Variants in SFSWAP observed in about 807,000 individuals in gnomAD.
SFSWAP encodes splicing factor SWAP.
SFSWAP carries 17 observed loss-of-function variants against 100.7 expected under a neutral mutation model. That is an observed-to-expected ratio of 0.17 (90% CI 0.12 to 0.25). The LOEUF (loss-of-function observed/expected upper bound fraction) is 0.25, where lower values mean the gene tolerates loss of function less well. Ranked by LOEUF, SFSWAP falls within the 10% of genes least tolerant of loss-of-function variation. The pLI, the probability that SFSWAP is intolerant of heterozygous loss-of-function variation, is 1.00. For missense variants in SFSWAP, 1,005 were observed against 1,262.6 expected (o/e 0.80, Z 3.09); for synonymous variants, 504 against 510.1 (o/e 0.99, Z 0.16).
Position 131,725,677 on chromosome 12 carries a change from T to C in SFSWAP, c.832+47T>C, listed in dbSNP as rs373140540. The C allele has an allele frequency of 2.8e-5, 41 of 1,439,534 alleles. No individual in the cohort carries two copies. The highest frequency in any genetic ancestry group is 5.6e-5 in the African/African-American group (4 of 71,370). 89.2% of individuals were successfully genotyped at this position (1,439,534 alleles called of 1,614,324 possible). ...CCGTCCAGACTTTGGGCCTGTGTTG[T>C]GGGGGCGGCAGGCTGGGTGGTTCTG... On this transcript the variant is annotated intron_variant, in intron 5 of 17. Transcript: ENST00000261674. This position sits in a 1 kb window ranked among gnomAD's most constrained non-coding sequence, Gnocchi z 4.3.
chr12:131,750,802 C>G (rs1332637936), intron 7 of SFSWAP, among the ~76,000 whole-genome samples: 1 of 152,230 alleles, frequency 6.6e-6, no homozygotes, highest in African/African-American at 2.4e-5. Context: ...AGCCATCCTC[C>G]TGCCACAGCC....
intron 4 of SFSWAP, among the ~76,000 whole-genome samples, chr12:131,722,387 T>G (rs1457812582): frequency 6.7e-6 from 1 of 149,578 alleles, no homozygotes; most frequent in African/African-American, 2.5e-5. Context: ...CATAGTGAGA[T>G]CCTGTCTCTA....
rs1015713602 is a variant in SFSWAP at position 131,711,714 on chromosome 12, C to T, written c.218+267C>T. On this transcript the variant is annotated intron_variant, in intron 1 of 17. Coordinates refer to ENST00000261674, the MANE Select transcript of SFSWAP (RefSeq NM_004592.4). This position sits in a 1 kb window ranked among gnomAD's most constrained non-coding sequence, Gnocchi z 4.9. ...CCCGCAGCCCCTCTCGACCCCTCAC[C>T]CTGTCGCTGGGCTGCAGTTGGCGAT... 4.5e-6 allele frequency: 2 copies of T among 446,972 alleles called. No homozygotes were observed. The highest frequency in any genetic ancestry group is 4.0e-5 in the African/African-American group (2 of 50,196). The allele number at this position is 446,972 out of a possible 1,614,324, so 27.7% of individuals were successfully genotyped here.
chr12:131,720,490 C>T (rs555511818), intron 4 of SFSWAP, among the ~76,000 whole-genome samples: 2 of 152,302 alleles, frequency 1.3e-5, no homozygotes, highest in East Asian at 1.9e-4. Context: ...CTTAAGTGTT[C>T]GTGCCTAGCA....
chr12:131,768,863 C>T (rs1883339320), intron 13 of SFSWAP, among the ~76,000 whole-genome samples: 1 of 152,170 alleles, frequency 6.6e-6, no homozygotes, highest in Admixed American at 6.5e-5. Context: ...GTGGCTCATA[C>T]CTGTAATCCG....
In SFSWAP at chr12:131,711,575, C is replaced by T; in HGVS notation, c.218+128C>T. ...AGCGGGGATCTGGGGGACACCCCCT[C>T]CCCTGTCCCCACCTCCTCCTGGTGT... On this transcript the variant is annotated intron_variant, in intron 1 of 17. Coordinates refer to ENST00000261674, the MANE Select transcript of SFSWAP (RefSeq NM_004592.4). The surrounding 1 kb of genome is among the most constrained non-coding windows in gnomAD (Gnocchi z 4.9). 1 of 743,700 alleles carries T rather than the reference C, an allele frequency of 1.3e-6. No homozygotes were observed. The highest frequency in any genetic ancestry group is 2.2e-6 in the Non-Finnish European group (1 of 450,292). 46.1% of individuals were successfully genotyped at this position (743,700 alleles called of 1,614,324 possible). A position where few individuals can be genotyped will look rare whatever the true frequency, so the allele number is the denominator to read the frequency against.
Position 131,764,510 on chromosome 12 carries a change from C to T in SFSWAP, c.1775C>T (p.Pro592Leu). The T allele has an allele frequency of 6.2e-7, 1 of 1,614,130 alleles. No homozygotes were observed. Among genetic ancestry groups the T allele is most frequent in the Middle Eastern group, 1.6e-4 (1 of 6,062 alleles). Residue 592 changes from proline (P) to leucine (L), a missense_variant, in exon 12 of 18, where the codon CCC becomes CTC. Physicochemically the swap from Pro to Leu is moderately conservative, Grantham distance 98. Around this residue, in one of 7 missense-constraint regions of SFSWAP, gnomAD observed 82 missense variants for 131.0 expected, o/e 0.63. Coordinates refer to ENST00000261674, the MANE Select transcript of SFSWAP (RefSeq NM_004592.4). ...AAGGCCAAAGAAAATGATCTGCTTC[C>T]CCTGGAAAAAAATCGTGTTAAGCTA... ...AIKAKENDLL[P>L]LEKNRVKLDD...
chr12:131,761,028 C>T (rs555296701), intron 11 of SFSWAP, among the ~76,000 whole-genome samples: 5 of 152,278 alleles, frequency 3.3e-5, no homozygotes, highest in African/African-American at 9.6e-5. Flanking sequence ...GCCTAGATCG[C>T]GCCACTGCAC....
intron 14 of SFSWAP, chr12:131,784,229 G>C (rs887781906): frequency 6.6e-6 from 1 of 151,780 alleles, no homozygotes; most frequent in African/African-American, 2.4e-5. Context: ...CTGTCACCGG[G>C]CTGGGACACG....
At chr12:131,797,099 G>A in intron 15 of SFSWAP, 79 bp from the exon 16 acceptor site, 1 of 1,344,120 alleles carries the variant, frequency 7.4e-7, no homozygotes, top group Non-Finnish European at 1.0e-6. Context: ...GCCAAAAACT[G>A]GCTCAGATCC....
chr12:131,718,244 T>G (rs139876797), intron 3 of SFSWAP, among the ~76,000 whole-genome samples: 1 of 152,320 alleles, frequency 6.6e-6, no homozygotes, highest in Admixed American at 6.5e-5. Flanking sequence ...ACAGGAGATC[T>G]TTGCAAATTA....
rs780764619 is a variant in SFSWAP, at chr12:131,799,058, A to G, written c.2739A>G (p.Glu913=). 1 of 1,613,990 alleles carries G rather than the reference A, an allele frequency of 6.2e-7. No homozygotes were observed. The highest frequency in any genetic ancestry group is 2.2e-5 in the East Asian group (1 of 44,880). The change falls in exon 17 of 18, where the codon GAA becomes GAG. Residue 913 remains glutamate, a synonymous_variant. Transcript: ENST00000261674. Reference sequence around the variant, plus strand: ...TTAGGGGAGTCTCTCAGGAAAAAGAAGCCCAGATCTCTTCAGCAATCGTTT... The same window carrying G: ...TTAGGGGAGTCTCTCAGGAAAAAGAGGCCCAGATCTCTTCAGCAATCGTTT... ...ERSRGVSQEK[E]AQISSAIVSS... is the part of the protein sequence containing the mutation.
intron 3 of SFSWAP, among the ~76,000 whole-genome samples, chr12:131,718,197 C>G (rs1363015331): frequency 1.3e-5 from 2 of 152,178 alleles, no homozygotes; most frequent in African/African-American, 4.8e-5. Context: ...AGGAAACCTG[C>G]TTAAAATTCT....
Position 131,778,367 on chromosome 12 carries a change from T to C in SFSWAP, c.2408+37T>C, listed in dbSNP as rs1475404930. The stretch of plus-strand genomic sequence containing the variant: ...GGGGGCAGCACCTCTGGTACCCTCA[T>C]GACCCCCATGTCCTTCACAGGACAC... On this transcript the variant is annotated intron_variant, in intron 14 of 17. Coordinates refer to ENST00000261674, the MANE Select transcript of SFSWAP (RefSeq NM_004592.4). The surrounding 1 kb of genome is among the most constrained non-coding windows in gnomAD (Gnocchi z 4.2). 2 of 1,596,996 alleles carry C rather than the reference T, an allele frequency of 1.3e-6. No individual in the cohort carries two copies. Among genetic ancestry groups the C allele is most frequent in the Admixed American group, 3.5e-5 (2 of 56,682 alleles).
intron 13 of SFSWAP, among the ~76,000 whole-genome samples, chr12:131,768,850 G>T (rs1027079331): frequency 6.6e-6 from 1 of 152,192 alleles, no homozygotes. Context: ...TTGGCTGGAC[G>T]TGGTGGCTCA....
chr12:131,724,198 A>G (rs1480684052), intron 4 of SFSWAP, among the ~76,000 whole-genome samples: 1 of 152,194 alleles, frequency 6.6e-6, no homozygotes, highest in East Asian at 1.9e-4. Flanking sequence ...TACTTTTAAG[A>G]AATTTTGGAT....
Position 131,783,821 on chromosome 12 carries a change from T to TATATATATATATAA in SFSWAP, c.2409-2641_2409-2640insTATATATATATAAA, listed in dbSNP as rs57488564. 7 of 131,648 alleles carry TATATATATATATAA rather than the reference T, an allele frequency of 5.3e-5. 1 individual carries two copies. The East Asian group carries it at 8.0e-4, about 15-fold the overall frequency. The allele number at this position is 131,648 out of a possible 1,614,324, so 8.2% of individuals were successfully genotyped here. ...ATATATATATATATATATATATATA[T>TATATATATATATAA]AATTCTTTGTAGAAATTAGCTCCCT... On this transcript the variant is annotated intron_variant, in intron 14 of 17. Coordinates refer to ENST00000261674, the MANE Select transcript of SFSWAP (RefSeq NM_004592.4).
intron 15 of SFSWAP, among the ~76,000 whole-genome samples, chr12:131,795,319 T>C (rs1387337233): frequency 6.6e-6 from 1 of 152,210 alleles, no homozygotes; most frequent in East Asian, 1.9e-4. Context: ...GCGCTGCTGC[T>C]TAGGTCACTT....
intron 11 of SFSWAP, 43 bp from the exon 12 acceptor site, chr12:131,764,413 C>T (rs1882941825): frequency 1.3e-6 from 2 of 1,538,556 alleles, no homozygotes. Flanking sequence ...GCAAAGATTT[C>T]CACTCTGTAA....
Sources: allele counts gnomAD v4.1 joint callset (sites outside exome capture counted in the v4.1 genomes callset), GRCh38; gene constraint gnomAD v4.1.1; regional missense constraint gnomAD v4.1.1; non-coding constraint Gnocchi (gnomAD v3.1); transcripts MANE v1.5; gene names NCBI Gene and HGNC (gene_info 2026-07-23, HGNC 2026-07-21).